The following SYNC variants were observed in gnomAD, a reference collection of about 807,000 sequenced individuals.
The protein encoded by SYNC is syncoilin.
A neutral mutation model predicts 49.5 loss-of-function variants in SYNC; 38 were observed. The ratio of observed to expected loss-of-function variants is 0.77; its 90% confidence interval spans 0.59 to 1.01. SYNC has a LOEUF of 1.01. SYNC is among the 50% of genes least tolerant of loss of function. SYNC has a pLI of 0.00. For missense variants in SYNC, 579 were observed against 580.6 expected (o/e 1.00, Z 0.03); for synonymous variants, 201 against 230.8 (o/e 0.87, Z 1.17).
Position 32,699,244 on chromosome 1 carries a change from C to T in SYNC, c.54-3200G>A, listed in dbSNP as rs560742611. ...TCTCAGCTCACTGCAACCTCCTCCTCCTGGGTTCAAGTGATTCTCCTGCCT... is the reference window on the plus strand; with the variant it reads ...TCTCAGCTCACTGCAACCTCCTCCTTCTGGGTTCAAGTGATTCTCCTGCCT... On this transcript the variant is annotated intron_variant, in intron 1 of 4. Coordinates refer to ENST00000409190, the MANE Select transcript of SYNC (RefSeq NM_030786.3). 5.3e-5 allele frequency among the ~76,000 whole-genome samples: 8 copies of T among 150,830 alleles called. No individual in the cohort carries two copies. The East Asian group carries it at 1.6e-3, about 30-fold the overall frequency.
At position 32,679,934 on chromosome 1, in the gene SYNC, T is replaced by C; in HGVS notation, c.*1916A>G. 3 of 1,298,244 alleles carry C rather than the reference T, an allele frequency of 2.3e-6. No homozygotes were observed. The highest frequency in any genetic ancestry group is 2.9e-6 in the Non-Finnish European group (3 of 1,026,516). 80.4% of individuals were successfully genotyped at this position (1,298,244 alleles called of 1,614,324 possible). On this transcript the variant is annotated 3_prime_UTR_variant, in exon 5 of 5. Coordinates refer to ENST00000409190, the MANE Select transcript of SYNC (RefSeq NM_030786.3). ...GAAATTTTCTTCAGGAATTTTCTAG[T>C]AACCCAGGTCTAAAGTAGCTACAGA...
intron 2 of SYNC, among the ~76,000 whole-genome samples, chr1:32,687,890 C>A (rs1649963048): frequency 1.9e-5 from 1 of 53,764 alleles, no homozygotes; most frequent in Non-Finnish European, 4.6e-5. Context: ...TGCTCTGTCG[C>A]TCAGGCTGGA....
intron 1 of SYNC, among the ~76,000 whole-genome samples, chr1:32,698,374 C>G (rs985835229): frequency 9.9e-5 from 15 of 151,986 alleles, no homozygotes; most frequent in African/African-American, 3.4e-4. Flanking sequence ...AAAAAATTAG[C>G]CAGGCGTGGT....
Position 32,680,102 on chromosome 1 carries a change from A to G in SYNC, c.*1748T>C. The G allele has an allele frequency of 9.4e-7, 1 of 1,063,650 alleles. No individual in the cohort carries two copies. Among genetic ancestry groups the G allele is most frequent in the Non-Finnish European group, 1.1e-6 (1 of 881,282 alleles). The allele number at this position is 1,063,650 out of a possible 1,614,324, so 65.9% of individuals were successfully genotyped here. On this transcript the variant is annotated 3_prime_UTR_variant, in exon 5 of 5. Transcript: ENST00000409190. ...AGCCATGAAGTATAAATACTGAAAG[A>G]TGTCACTTTTATTCAGGAAATAGGG...
intron 4 of SYNC, 173 bp from the exon 5 acceptor site, chr1:32,682,033 T>TGG: frequency 1.7e-6 from 1 of 606,040 alleles, no homozygotes; most frequent in South Asian, 2.0e-5. Context: ...GTGATGGTGA[T>TGG]GGGAGGGATA....
Position 32,695,032 on chromosome 1 carries a change from CT to C in SYNC, c.1065del (p.Ala356LeufsTer16). On this transcript the variant is annotated frameshift_variant, in exon 2 of 5. Transcript: ENST00000409190. LOFTEE classifies it high-confidence loss of function. ...PQFLRLLERK[E>X]AGTKALQRTQ... is the part of the protein sequence containing the mutation. ...GTTCTCTGCAGAGCTTTGGTCCCAGCTTCTTTCCTCTCTAGGAGCCGCAGGA... is the reference window on the plus strand; with the variant it reads ...GTTCTCTGCAGAGCTTTGGTCCCAGCTCTTTCCTCTCTAGGAGCCGCAGGA... 1 of 1,613,922 alleles carries C rather than the reference CT, an allele frequency of 6.2e-7. No homozygotes were observed.
intron 1 of SYNC, among the ~76,000 whole-genome samples, chr1:32,699,798 A>G (rs1650596343): frequency 6.8e-6 from 1 of 147,974 alleles, no homozygotes; most frequent in African/African-American, 2.5e-5. Context: ...CAGTGGTGCA[A>G]TCTCGGCTCA....
At chr1:32,681,892 T>C (rs1302521028) in intron 4 of SYNC, 32 bp from the exon 5 acceptor site, 1 of 1,594,766 alleles carries the variant, frequency 6.3e-7, no homozygotes, top group Admixed American at 1.7e-5. Context: ...TTTATAACAG[T>C]GAACTTCTGA....
At position 32,680,452 on chromosome 1, in the gene SYNC, A is replaced by AAG. The variant is rs1649364898; in HGVS notation, c.*1396_*1397dup. On this transcript the variant is annotated 3_prime_UTR_variant, in exon 5 of 5. Transcript: ENST00000409190. The stretch of plus-strand genomic sequence containing the variant: ...ACCACAGGTAGACTGTCAAGTTGAG[A>AAG]AGAGTGAATCAATAACTTGTATTTG... 8.5e-6 allele frequency: 13 copies of AAG among 1,520,484 alleles called. No individual in the cohort carries two copies. The South Asian group carries it at 1.6e-4, about 19-fold the overall frequency. 94.2% of individuals were successfully genotyped at this position (1,520,484 alleles called of 1,614,324 possible).
At chr1:32,693,257 C>A (rs978969289) in intron 2 of SYNC, among the ~76,000 whole-genome samples, 11 of 151,792 alleles carry the variant, frequency 7.2e-5, no homozygotes, top group African/African-American at 2.4e-4. Flanking sequence ...TAATTTTTGT[C>A]TTTTTAGTAG....
Position 32,684,005 on chromosome 1 carries a change from A to T in SYNC, c.1438+5T>A, listed in dbSNP as rs1186729578. On this transcript the variant is annotated splice_donor_5th_base_variant and intron_variant, in intron 4 of 4. Transcript: ENST00000409190. ...AAACACCACTCTTCTCTTCACAAAG[A>T]TCACCTTGAGACTGTGTCTCCATTC... The T allele has an allele frequency of 1.9e-6, 3 of 1,613,478 alleles. No individual in the cohort carries two copies. Among genetic ancestry groups the T allele is most frequent in the Non-Finnish European group, 2.5e-6 (3 of 1,179,564 alleles).
chr1:32,696,239 C>T (rs374253437), intron 1 of SYNC, among the ~76,000 whole-genome samples, 195 bp from the exon 2 acceptor site: 7 of 141,518 alleles, frequency 4.9e-5, no homozygotes, highest in East Asian at 4.2e-4. Context: ...ATCCCAGCGA[C>T]ATCACCATAT....
Position 32,680,698 on chromosome 1 carries a change from A to T in SYNC, c.*1152T>A. 1 of 667,294 alleles carries T rather than the reference A, an allele frequency of 1.5e-6. No homozygotes were observed. The highest frequency in any genetic ancestry group is 2.5e-6 in the Non-Finnish European group (1 of 405,336). The allele number at this position is 667,294 out of a possible 1,614,324, so 41.3% of individuals were successfully genotyped here. On this transcript the variant is annotated 3_prime_UTR_variant, in exon 5 of 5. Coordinates refer to ENST00000409190, the MANE Select transcript of SYNC (RefSeq NM_030786.3). ...ATTTAGTATAAAACATCCATCAAAC[A>T]CCAGTCTCTGGCTTCTAGAAGAGTC...
intron 2 of SYNC, among the ~76,000 whole-genome samples, chr1:32,690,733 C>A (rs1379313257): frequency 6.6e-6 from 1 of 151,568 alleles, no homozygotes; most frequent in East Asian, 1.9e-4. Flanking sequence ...GGCAGATCAC[C>A]TGAGGTCAGG....
In SYNC at chr1:32,687,349, G is replaced by A. The variant is rs530141355; in HGVS notation, c.1234-2967C>T. Among the ~76,000 whole-genome samples the A allele has an allele frequency of 7.9e-4, 93 of 118,440 alleles. 1 individual carries two copies. Among genetic ancestry groups the A allele is most frequent in the African/African-American group, 2.9e-3 (90 of 30,704 alleles). The allele number at this position is 118,440 out of a possible 152,430, so 77.7% of individuals were successfully genotyped here. A position where few individuals can be genotyped will look rare whatever the true frequency, so the allele number is the denominator to read the frequency against. On this transcript the variant is annotated intron_variant, in intron 2 of 4. Coordinates refer to ENST00000409190, the MANE Select transcript of SYNC (RefSeq NM_030786.3). ...GCACTCCAGCCTGGGGGACAAGAGC[G>A]AGACTTCATCTCAAAAAAAAAAAAA...
At position 32,680,689 on chromosome 1, in the gene SYNC, C is replaced by A; in HGVS notation, c.*1161G>T. 1 of 685,042 alleles carries A rather than the reference C, an allele frequency of 1.5e-6. No individual in the cohort carries two copies. Among genetic ancestry groups the A allele is most frequent in the Non-Finnish European group, 2.4e-6 (1 of 420,094 alleles). The allele number at this position is 685,042 out of a possible 1,614,324, so 42.4% of individuals were successfully genotyped here. A position where few individuals can be genotyped will look rare whatever the true frequency, so the allele number is the denominator to read the frequency against. ...ATGGGTTTTATTTAGTATAAAACAT[C>A]CATCAAACACCAGTCTCTGGCTTCT... On this transcript the variant is annotated 3_prime_UTR_variant, in exon 5 of 5. Coordinates refer to ENST00000409190, the MANE Select transcript of SYNC (RefSeq NM_030786.3).
chr1:32,684,167 G>A, intron 3 of SYNC, 78 bp from the exon 4 acceptor site: 1 of 1,603,778 alleles, frequency 6.2e-7, no homozygotes, highest in South Asian at 1.1e-5. Flanking sequence ...TCCTCTTTTT[G>A]TTTTTGATTC....
intron 2 of SYNC, among the ~76,000 whole-genome samples, chr1:32,692,222 C>T (rs747570378): frequency 6.6e-6 from 1 of 151,800 alleles, no homozygotes; most frequent in African/African-American, 2.4e-5. Context: ...TGACAGACTC[C>T]GTCTCAAAAA....
chr1:32,687,562 T>C (rs965368827), intron 2 of SYNC, among the ~76,000 whole-genome samples: 6 of 150,860 alleles, frequency 4.0e-5, no homozygotes, highest in African/African-American at 2.4e-5. Flanking sequence ...TCCCAACTGC[T>C]CAGGAGGCTG....
Sources: allele counts gnomAD v4.1 joint callset (sites outside exome capture counted in the v4.1 genomes callset), GRCh38; gene constraint gnomAD v4.1.1; transcripts MANE v1.5; gene names NCBI Gene and HGNC (gene_info 2026-07-23, HGNC 2026-07-21).